Variants in MSL2 observed in about 807,000 individuals in gnomAD.
MSL2 encodes the protein E3 ubiquitin-protein ligase MSL2.
In MSL2, 2 loss-of-function variants were observed where a neutral mutation model predicts 35.8. The observed-to-expected ratio is 0.06, with a 90% confidence interval of 0.02 to 0.18. The LOEUF (loss-of-function observed/expected upper bound fraction) is 0.18, where lower values mean the gene tolerates loss of function less well. Ranked by LOEUF, MSL2 falls within the 10% of genes least tolerant of loss-of-function variation. MSL2 has a pLI of 1.00. For missense variants in MSL2, 523 were observed against 706.7 expected (o/e 0.74, Z 2.95); for synonymous variants, 296 against 255.7 (o/e 1.16, Z -1.50).
At chr3:136,153,518 T>C (rs1939431979) in intron 1 of MSL2, among the ~76,000 whole-genome samples, 1 of 152,204 alleles carries the variant, frequency 6.6e-6, no homozygotes, top group Non-Finnish European at 1.5e-5. Flanking sequence ...CCGGACACAG[T>C]GGCTCATGCC....
At chr3:136,167,970 A>G (rs1289714448) in intron 1 of MSL2, among the ~76,000 whole-genome samples, 3 of 152,182 alleles carry the variant, frequency 2.0e-5, no homozygotes, top group African/African-American at 7.2e-5. Flanking sequence ...GAAACAAGAG[A>G]TATCTACACA....
chr3:136,151,278 C>T lies in MSL2; in HGVS notation c.1603G>A (p.Ala535Thr). 6.2e-7 allele frequency: 1 copy of T among 1,614,232 alleles called. No individual in the cohort carries two copies. The highest frequency in any genetic ancestry group is 8.5e-7 in the Non-Finnish European group (1 of 1,180,052). Residue 535 changes from alanine (A) to threonine (T), a missense_variant, in exon 2 of 2, where the codon GCT (alanine) becomes ACT (threonine). By Grantham distance (58) the Ala-to-Thr change is moderately conservative. Coordinates refer to ENST00000309993, the MANE Select transcript of MSL2 (RefSeq NM_018133.4). The surrounding 1 kb of genome is among the most constrained non-coding windows in gnomAD (Gnocchi z 5.2). ...LTLGINVTSI[A>T]VRNASTSTSV... ...GTGCTGGTACTAGCGTTACGCACAG[C>T]AATGCTAGTCACGTTAATGCCCAAA... is the stretch of plus-strand genomic sequence containing the variant.
At chr3:136,178,311 CTGAT>C (rs1303399699) in intron 1 of MSL2, among the ~76,000 whole-genome samples, 1 of 152,130 alleles carries the variant, frequency 6.6e-6, no homozygotes, top group South Asian at 2.1e-4. Flanking sequence ...ATAATGTAGG[CTGAT>C]TAATTAGGCA....
intron 1 of MSL2, among the ~76,000 whole-genome samples, chr3:136,169,250 G>GGGGGT (rs1559963929): frequency 7.6e-4 from 13 of 17,114 alleles, no homozygotes; most frequent in Non-Finnish European, 1.4e-3. Context: ...GGGGGGGGGG[G>GGGGGT]GGTGCTTATT....
At chr3:136,176,387 C>T (rs1436616897) in intron 1 of MSL2, among the ~76,000 whole-genome samples, 1 of 151,560 alleles carries the variant, frequency 6.6e-6, no homozygotes, top group East Asian at 1.9e-4. Context: ...TGGGGGCATG[C>T]ACCTGCAATC....
At chr3:136,157,915 TA>T (rs1559958473) in intron 1 of MSL2, among the ~76,000 whole-genome samples, 1 of 151,994 alleles carries the variant, frequency 6.6e-6, no homozygotes, top group Admixed American at 6.5e-5. Context: ...AACAAATAAT[TA>T]AAAAGGAATA....
intron 1 of MSL2, among the ~76,000 whole-genome samples, chr3:136,192,051 C>A (rs917067011): frequency 6.6e-6 from 1 of 152,180 alleles, no homozygotes; most frequent in Non-Finnish European, 1.5e-5. Flanking sequence ...AAAACAATGT[C>A]TTCCCTAAAA....
rs1469391010 is a variant in MSL2, at chr3:136,152,370, G to C, written c.511C>G (p.Gln171Glu). 2 of 1,614,200 alleles carry C rather than the reference G, an allele frequency of 1.2e-6. No homozygotes were observed. Among genetic ancestry groups the C allele is most frequent in the Non-Finnish European group, 8.5e-7 (1 of 1,180,034 alleles). Residue 171 changes from glutamine to glutamate, a missense_variant, in exon 2 of 2, where the codon CAA becomes GAA. This residue lies in a region of MSL2 where 361 missense variants were observed against 414.6 expected (regional missense o/e 0.87). Coordinates refer to ENST00000309993, the MANE Select transcript of MSL2 (RefSeq NM_018133.4). ...TCAGACATTGGAGATAAACTAGCTT[G>C]AGGATCAGTTGTGGGTTCTGAGGTT... ...PSTSEPTTDPQASLSPMSEST... is the reference protein window; with the variant it reads ...PSTSEPTTDPEASLSPMSEST...
chr3:136,158,329 A>G (rs1309635641), intron 1 of MSL2, among the ~76,000 whole-genome samples: 1 of 151,934 alleles, frequency 6.6e-6, no homozygotes, highest in Non-Finnish European at 1.5e-5. Flanking sequence ...TAAAAAAAAA[A>G]AAAAGAAAAT....
At chr3:136,194,557 G>A (rs1940781615) in intron 1 of MSL2, 1 of 594,232 alleles carries the variant, frequency 1.7e-6, no homozygotes, top group Middle Eastern at 8.6e-4. Context: ...ACCAGTTTGG[G>A]GAAATGCAAA....
Position 136,195,431 on chromosome 3 carries a change from A to C in MSL2, c.-318T>G, listed in dbSNP as rs1481776195. The C allele has an allele frequency of 3.8e-6, 4 of 1,056,664 alleles. No individual in the cohort carries two copies. In the African/African-American group the frequency reaches 5.1e-5, roughly 13 times the overall value. The allele number at this position is 1,056,664 out of a possible 1,614,324, so 65.5% of individuals were successfully genotyped here. Reference sequence around the variant, plus strand: ...GCGCTCGGGGCGGGACTCGGAGCTCAGTCTAGCCCCGCGGCTCGGCAGGCG... The same window carrying C: ...GCGCTCGGGGCGGGACTCGGAGCTCCGTCTAGCCCCGCGGCTCGGCAGGCG... On this transcript the variant is annotated 5_prime_UTR_variant, in exon 1 of 2. Coordinates refer to ENST00000309993, the MANE Select transcript of MSL2 (RefSeq NM_018133.4).
intron 1 of MSL2, among the ~76,000 whole-genome samples, chr3:136,156,693 T>A (rs1307761277): frequency 6.6e-6 from 1 of 151,952 alleles, no homozygotes; most frequent in African/African-American, 2.4e-5. Context: ...TGAAACCCCA[T>A]CAATACAAAA....
chr3:136,179,389 C>G (rs1205852434), intron 1 of MSL2, among the ~76,000 whole-genome samples: 1 of 152,068 alleles, frequency 6.6e-6, no homozygotes, highest in African/African-American at 2.4e-5. Flanking sequence ...CACTATACTG[C>G]CCAAACTGGT....
chr3:136,194,405 G>C (rs930240606), intron 1 of MSL2: 4 of 985,028 alleles, frequency 4.1e-6, no homozygotes, highest in Non-Finnish European at 4.8e-6. Context: ...CAGCTAAAAA[G>C]CACTTCGAGT....
Position 136,151,843 on chromosome 3 carries a change from C to T in MSL2, c.1038G>A (p.Glu346=), listed in dbSNP as rs779638764. The T allele has an allele frequency of 1.1e-5, 17 of 1,614,076 alleles. No individual in the cohort carries two copies. Among genetic ancestry groups the T allele is most frequent in the African/African-American group, 2.7e-5 (2 of 74,930 alleles). The change falls in exon 2 of 2, where the codon GAG becomes GAA. Residue 346 remains glutamate (E), a synonymous_variant. Transcript: ENST00000309993. The surrounding 1 kb of genome is among the most constrained non-coding windows in gnomAD (Gnocchi z 5.2). ...AKLNRKRSRS[E]SDSEKVQPLP... Reference sequence around the variant, plus strand: ...GTGGCTGAACTTTCTCACTGTCACTCTCTGATCTGGATCGTTTTCTATTCA... The same window carrying T: ...GTGGCTGAACTTTCTCACTGTCACTTTCTGATCTGGATCGTTTTCTATTCA...
chr3:136,174,688 CA>C (rs1940120892), intron 1 of MSL2, among the ~76,000 whole-genome samples: 1 of 152,144 alleles, frequency 6.6e-6, no homozygotes, highest in Non-Finnish European at 1.5e-5. Flanking sequence ...ACACTAACTT[CA>C]ATTTTTAAAG....
In MSL2 at chr3:136,177,021, A is replaced by C. The variant is rs6787461; in HGVS notation, c.142+17951T>G. 2.1e-3 allele frequency among the ~76,000 whole-genome samples: 317 copies of C among 152,332 alleles called. 1 individual carries two copies. The highest frequency in any genetic ancestry group is 7.1e-3 in the African/African-American group (296 of 41,572). On this transcript the variant is annotated intron_variant, in intron 1 of 1. Coordinates refer to ENST00000309993, the MANE Select transcript of MSL2 (RefSeq NM_018133.4). Reference sequence around the variant, plus strand: ...CAAGTTTACCTTTGTGAGGCTTCCTAGCCCAAGTCTGTTTTTCTTCTTTAA... The same window carrying C: ...CAAGTTTACCTTTGTGAGGCTTCCTCGCCCAAGTCTGTTTTTCTTCTTTAA...
At chr3:136,193,292 T>C (rs1255716950) in intron 1 of MSL2, among the ~76,000 whole-genome samples, 2 of 152,154 alleles carry the variant, frequency 1.3e-5, no homozygotes, top group Admixed American at 6.6e-5. Context: ...TTTAGGATAG[T>C]GGTGGTCTGC....
At chr3:136,189,585 G>A (rs182438484) in intron 1 of MSL2, among the ~76,000 whole-genome samples, 129 of 151,092 alleles carry the variant, frequency 8.5e-4, no homozygotes, top group African/African-American at 3.0e-3. Context: ...TTAGCCGGGC[G>A]AGGTGGCGGG....
Sources: allele counts gnomAD v4.1 joint callset (sites outside exome capture counted in the v4.1 genomes callset), GRCh38; gene constraint gnomAD v4.1.1; regional missense constraint gnomAD v4.1.1; non-coding constraint Gnocchi (gnomAD v3.1); transcripts MANE v1.5; gene names NCBI Gene and HGNC (gene_info 2026-07-23, HGNC 2026-07-21).